Variants in GABRA5 observed in about 807,000 individuals in gnomAD.
GABRA5 encodes the protein gamma-aminobutyric acid type A receptor subunit alpha5, also known as gamma-aminobutyric acid receptor subunit alpha-5.
GABRA5 carries 18 observed loss-of-function variants against 47.3 expected under a neutral mutation model. That is an observed-to-expected ratio of 0.38 (90% CI 0.26 to 0.56). The LOEUF (loss-of-function observed/expected upper bound fraction) is 0.56. Ranked by LOEUF, GABRA5 falls within the 20% of genes least tolerant of loss-of-function variation. The pLI is 0.71. For missense variants in GABRA5, 365 were observed against 599.3 expected (o/e 0.61, Z 4.08); for synonymous variants, 237 against 229.3 (o/e 1.03, Z -0.30).
chr15:26,948,237 G>A lies in GABRA5; in HGVS notation c.*4G>A, dbSNP rs775349212. ...AGGAGCCGCCTCTCCAAAATAACCG[G>A]CCACACTCCCAAACTCCAAGACAGC... On this transcript the variant is annotated 3_prime_UTR_variant, in exon 11 of 11. Transcript: ENST00000335625. 47 of 1,609,150 alleles carry A rather than the reference G, an allele frequency of 2.9e-5. No individual in the cohort carries two copies. The highest frequency in any genetic ancestry group is 3.6e-5 in the Non-Finnish European group (43 of 1,178,454).
intron 7 of GABRA5, among the ~76,000 whole-genome samples, chr15:26,927,341 T>A (rs1350886423): frequency 1.3e-5 from 2 of 151,764 alleles, no homozygotes; most frequent in African/African-American, 4.8e-5. Context: ...CTTGAACTCC[T>A]GACCTCGTGA....
chr15:26,872,794 C>A (rs1892504431), intron 3 of GABRA5, among the ~76,000 whole-genome samples: 1 of 152,148 alleles, frequency 6.6e-6, no homozygotes, highest in Non-Finnish European at 1.5e-5. Flanking sequence ...TGTGCGTGGA[C>A]CAAGTCGAAA....
At chr15:26,933,381 T>G (rs2140571669) in intron 7 of GABRA5, among the ~76,000 whole-genome samples, 1 of 152,312 alleles carries the variant, frequency 6.6e-6, no homozygotes, top group Non-Finnish European at 1.5e-5. Flanking sequence ...AAGGAGCTGG[T>G]GCATTGAAGG....
intron 6 of GABRA5, among the ~76,000 whole-genome samples, chr15:26,909,123 C>A (rs1893517045): frequency 6.6e-6 from 1 of 152,200 alleles, no homozygotes; most frequent in Non-Finnish European, 1.5e-5. Context: ...GATGGCCTCT[C>A]TTCTGGCTTC....
At chr15:26,913,741 C>G (rs1893654777) in intron 6 of GABRA5, among the ~76,000 whole-genome samples, 1 of 152,088 alleles carries the variant, frequency 6.6e-6, no homozygotes, top group Non-Finnish European at 1.5e-5. Context: ...TTAGAATCAT[C>G]CGTAATTGGC....
At chr15:26,928,051 A>G (rs1380228635) in intron 7 of GABRA5, among the ~76,000 whole-genome samples, 2 of 152,218 alleles carry the variant, frequency 1.3e-5, no homozygotes, top group Non-Finnish European at 2.9e-5. Context: ...TTAGGAAAAA[A>G]ATATATTTAG....
chr15:26,898,649 C>A (rs546771632), intron 6 of GABRA5, among the ~76,000 whole-genome samples: 87 of 152,250 alleles, frequency 5.7e-4, no homozygotes, highest in African/African-American at 2.0e-3. Flanking sequence ...GTAAGCCCAA[C>A]AAGCTATGGG....
At chr15:26,892,186 C>A (rs937285596) in intron 6 of GABRA5, among the ~76,000 whole-genome samples, 1 of 152,266 alleles carries the variant, frequency 6.6e-6, no homozygotes, top group Non-Finnish European at 1.5e-5. Context: ...CTATGATTTG[C>A]ACTGTCTGAA....
chr15:26,924,175 T>C (rs1034386431), intron 7 of GABRA5, among the ~76,000 whole-genome samples: 19 of 136,800 alleles, frequency 1.4e-4, no homozygotes, highest in African/African-American at 4.1e-4. Flanking sequence ...TTTTTTTTTT[T>C]CTCACTGCTT....
chr15:26,881,843 G>A (rs1892735946), intron 4 of GABRA5, among the ~76,000 whole-genome samples: 2 of 152,112 alleles, frequency 1.3e-5, no homozygotes, highest in South Asian at 4.1e-4. Context: ...GGGATTACAG[G>A]TGCACACCAC....
Position 26,883,801 on chromosome 15 carries a change from G to A in GABRA5, c.497+244G>A, listed in dbSNP as rs979896207. Among the ~76,000 whole-genome samples the A allele has an allele frequency of 6.6e-6, 1 of 152,208 alleles. No homozygotes were observed. The highest frequency in any genetic ancestry group is 2.4e-5 in the African/African-American group (1 of 41,458). ...ACTCGTTTATTCGGTTCAAGCTCAA[G>A]AGCATCTTTGGAACCATGGCCCATA... On this transcript the variant is annotated intron_variant, in intron 6 of 10. Transcript: ENST00000335625. The surrounding 1 kb of genome is among the most constrained non-coding windows in gnomAD (Gnocchi z 4.8).
At chr15:26,933,977 C>G (rs1444788289) in intron 7 of GABRA5, among the ~76,000 whole-genome samples, 1 of 152,114 alleles carries the variant, frequency 6.6e-6, no homozygotes, top group African/African-American at 2.4e-5. Flanking sequence ...GCTGCTGTTA[C>G]TCTGCTCATT....
intron 6 of GABRA5, 33 bp from the exon 7 acceptor site, chr15:26,914,770 G>A (rs1255185361): frequency 6.4e-7 from 1 of 1,551,654 alleles, no homozygotes; most frequent in East Asian, 2.2e-5. Flanking sequence ...GAGTGAGAGA[G>A]TCGTTCAAAG....
chr15:26,918,624 G>T (rs1180019218), intron 7 of GABRA5, among the ~76,000 whole-genome samples: 1 of 152,064 alleles, frequency 6.6e-6, no homozygotes, highest in Non-Finnish European at 1.5e-5. Context: ...ATTTTCAGTT[G>T]TTCTTACGTT....
rs1892685728 is a variant in GABRA5, at chr15:26,879,861, G to GC, written c.87-982dup. On this transcript the variant is annotated intron_variant, in intron 3 of 10. Transcript: ENST00000335625. ...GGAATCACATGTTCTTCTCCCAAGT[G>GC]CCCAGGGCACTCGCTTCTTGGGAAC... Among the ~76,000 whole-genome samples the GC allele has an allele frequency of 2.0e-5, 3 of 152,164 alleles. No homozygotes were observed. In the East Asian group the frequency reaches 5.8e-4, roughly 29 times the overall value.
chr15:26,936,756 G>A (rs960172198), intron 7 of GABRA5, among the ~76,000 whole-genome samples: 5 of 152,150 alleles, frequency 3.3e-5, no homozygotes, highest in African/African-American at 4.8e-5. Flanking sequence ...TGTAAATCTC[G>A]ATGTAGGTCA....
At chr15:26,946,348 G>A (rs1894510593) in intron 10 of GABRA5, among the ~76,000 whole-genome samples, 2 of 151,554 alleles carry the variant, frequency 1.3e-5, no homozygotes, top group African/African-American at 2.4e-5. Flanking sequence ...CCTGTCTGCT[G>A]TTAACACTTA....
intron 6 of GABRA5, among the ~76,000 whole-genome samples, chr15:26,910,596 T>TC (rs1893556850): frequency 6.9e-5 from 2 of 28,920 alleles, no homozygotes; most frequent in South Asian, 1.5e-3. Context: ...CGAGACTCCA[T>TC]CAAAAAAAAA....
chr15:26,924,554 C>A (rs145615843), intron 7 of GABRA5, among the ~76,000 whole-genome samples: 2 of 152,090 alleles, frequency 1.3e-5, no homozygotes, highest in South Asian at 4.1e-4. Context: ...CATTAGGGGA[C>A]GGGCCTCATT....
Sources: allele counts gnomAD v4.1 joint callset (sites outside exome capture counted in the v4.1 genomes callset), GRCh38; gene constraint gnomAD v4.1.1; non-coding constraint Gnocchi (gnomAD v3.1); transcripts MANE v1.5; gene names NCBI Gene and HGNC (gene_info 2026-07-23, HGNC 2026-07-21).